The following CDYL variants were observed in gnomAD, a reference collection of about 807,000 sequenced individuals.
The protein encoded by CDYL is chromodomain Y-like protein.
In CDYL, 8 loss-of-function variants were observed where a neutral mutation model predicts 47.3. The observed-to-expected ratio is 0.17, with a 90% CI of 0.10 to 0.31. The LOEUF (loss-of-function observed/expected upper bound fraction) is 0.31. Ranked by LOEUF, CDYL falls within the 10% of genes least tolerant of loss-of-function variation. The pLI, the probability that CDYL is intolerant of heterozygous loss-of-function variation, is 1.00. For missense variants in CDYL, 471 were observed against 701.4 expected, an observed-to-expected ratio of 0.67 and a Z score of 3.71; for synonymous variants, 266 against 265.0, an observed-to-expected ratio of 1.00 and a Z score of -0.04.
chr6:4,944,128 C>T (rs537521945), intron 5 of CDYL, among the ~76,000 whole-genome samples: 4 of 152,300 alleles, frequency 2.6e-5, no homozygotes, highest in African/African-American at 7.2e-5. Flanking sequence ...AGAGGGTTGT[C>T]GTCCATATAA....
At chr6:4,734,621 T>G in intron 2 of CDYL, 1 of 1,178,214 alleles carries the variant, frequency 8.5e-7, no homozygotes. Context: ...AGAGACCAGT[T>G]TCTATGTTCA....
At chr6:4,725,293 G>T (rs1380049165) in intron 2 of CDYL, among the ~76,000 whole-genome samples, 1 of 152,276 alleles carries the variant, frequency 6.6e-6, no homozygotes, top group Admixed American at 6.5e-5. Flanking sequence ...CGAGGGTGCA[G>T]GTGGAGCTGC....
chr6:4,902,725 CCCTTGGAGAAGGTG>C (rs60518759), intron 2 of CDYL, among the ~76,000 whole-genome samples: 34,745 of 151,968 alleles, frequency 0.23, 4,854 homozygotes, highest in Non-Finnish European at 0.31. Flanking sequence ...TATGAGGATC[CCCTTGGAGAAGGTG>C]CCAGGGAGTC....
chr6:4,837,469 T>G (rs1372470537), intron 1 of CDYL, among the ~76,000 whole-genome samples: 2 of 150,512 alleles, frequency 1.3e-5, no homozygotes, highest in African/African-American at 4.9e-5. Context: ...TGTCGTTGTT[T>G]TTTTTTTTTT....
At chr6:4,732,819 G>T (rs1757631222) in intron 2 of CDYL, among the ~76,000 whole-genome samples, 1 of 152,148 alleles carries the variant, frequency 6.6e-6, no homozygotes. Context: ...TGAAAGAAAA[G>T]ATAGCGGCCT....
intron 4 of CDYL, among the ~76,000 whole-genome samples, chr6:4,942,099 C>T (rs1758375811): frequency 6.6e-6 from 1 of 152,196 alleles, no homozygotes; most frequent in African/African-American, 2.4e-5. Flanking sequence ...TTGTCTGACA[C>T]TCTGATCATT....
intron 2 of CDYL, among the ~76,000 whole-genome samples, chr6:4,717,639 C>A (rs12196896): frequency 0.093 from 11,633 of 125,338 alleles, 479 homozygotes; most frequent in East Asian, 0.2. Context: ...CAGGAGTTTG[C>A]GGCTACAGTG....
chr6:4,924,863 CT>C (rs1165601379), intron 2 of CDYL, among the ~76,000 whole-genome samples: 1 of 152,190 alleles, frequency 6.6e-6, no homozygotes, highest in Non-Finnish European at 1.5e-5. Context: ...CCCACAAAGA[CT>C]TTGTCATGGA....
chr6:4,933,048 C>G (rs920741651), intron 2 of CDYL, among the ~76,000 whole-genome samples: 5 of 152,216 alleles, frequency 3.3e-5, no homozygotes, highest in Non-Finnish European at 7.3e-5. Context: ...CACATCCTCA[C>G]TGCTGTGGCC....
intron 1 of CDYL, among the ~76,000 whole-genome samples, chr6:4,869,288 G>C (rs548142443): frequency 1.3e-5 from 2 of 151,888 alleles, no homozygotes; most frequent in Non-Finnish European, 2.9e-5. Flanking sequence ...TAGAGATGGG[G>C]TTTCACTGTG....
chr6:4,776,245 T>G (rs1478155956), upstream of CDYL, among the ~76,000 whole-genome samples: 44 of 131,350 alleles, frequency 3.3e-4, no homozygotes, highest in African/African-American at 1.1e-3. Context: ...GCCGCCCGCC[T>G]CGGCCCCGAG....
At chr6:4,912,489 G>A (rs992018297) in intron 2 of CDYL, among the ~76,000 whole-genome samples, 3 of 152,270 alleles carry the variant, frequency 2.0e-5, no homozygotes, top group Admixed American at 1.3e-4. Context: ...GGGGCGGAAC[G>A]CCGTAGGGCT....
chr6:4,749,053 G>A (rs1757943176), intron 3 of CDYL, among the ~76,000 whole-genome samples: 1 of 152,194 alleles, frequency 6.6e-6, no homozygotes, highest in Non-Finnish European at 1.5e-5. Context: ...CACAGTCTGT[G>A]TATTTCTAGA....
chr6:4,860,286 C>T (rs752152881), intron 1 of CDYL, among the ~76,000 whole-genome samples: 1 of 151,874 alleles, frequency 6.6e-6, no homozygotes, highest in Non-Finnish European at 1.5e-5. Context: ...CGTTTCGTTA[C>T]GTGTGTAATG....
intron 3 of CDYL, among the ~76,000 whole-genome samples, chr6:4,746,403 G>C (rs959326153): frequency 6.6e-6 from 1 of 151,078 alleles, no homozygotes; most frequent in African/African-American, 2.4e-5. Context: ...GCAGGGTAGA[G>C]AATGGTTTGA....
At chr6:4,776,343 C>G (rs927831242), upstream of CDYL, 1 of 145,006 alleles carries the variant, frequency 6.9e-6, no homozygotes, top group East Asian at 2.0e-4. Flanking sequence ...AGCGCGGGAG[C>G]GCGGCTCCGC....
intron 1 of CDYL, among the ~76,000 whole-genome samples, chr6:4,795,280 G>A (rs1453271680): frequency 6.6e-6 from 1 of 152,058 alleles, no homozygotes; most frequent in African/African-American, 2.4e-5. Flanking sequence ...CTGATGTTGA[G>A]CCATCCTTAC....
chr6:4,765,530 CT>C (rs1198788113), intron 3 of CDYL, among the ~76,000 whole-genome samples: 1 of 150,728 alleles, frequency 6.6e-6, no homozygotes, highest in African/African-American at 2.4e-5. Flanking sequence ...GAAAAGAAGA[CT>C]GAAGATCAAT....
intron 3 of CDYL, among the ~76,000 whole-genome samples, chr6:4,743,417 A>T (rs1017810464): frequency 6.6e-6 from 1 of 152,206 alleles, no homozygotes; most frequent in African/African-American, 2.4e-5. Context: ...GGCAGGCAGG[A>T]TAGCTCCAGA....
Sources: allele counts gnomAD v4.1 joint callset (sites outside exome capture counted in the v4.1 genomes callset), GRCh38; gene constraint gnomAD v4.1.1; transcripts MANE v1.5; gene names NCBI Gene and HGNC (gene_info 2026-07-23, HGNC 2026-07-21).